Variants in RFTN1 observed in about 807,000 individuals in gnomAD.
RFTN1 encodes raftlin.
In RFTN1, 26 loss-of-function variants were observed where a neutral mutation model predicts 46.5. The ratio of observed to expected loss-of-function variants is 0.56; its 90% CI spans 0.41 to 0.78. The LOEUF is 0.78. Ranked by LOEUF, RFTN1 falls within the 30% of genes least tolerant of loss-of-function variation. The pLI, the probability that RFTN1 is intolerant of heterozygous loss-of-function variation, is 0.00. For missense variants in RFTN1, 693 were observed against 718.7 expected (o/e 0.96, Z 0.41); for synonymous variants, 261 against 284.2 (o/e 0.92, Z 0.82).
chr3:16,501,796 G>T (rs1272965068), intron 1 of RFTN1, among the ~76,000 whole-genome samples: 2 of 152,202 alleles, frequency 1.3e-5, no homozygotes, highest in Non-Finnish European at 2.9e-5. Context: ...GTTCAGTAGA[G>T]TATTCAGATG....
chr3:16,342,615 TAAAAATAAAAA>T lies in RFTN1; in HGVS notation c.1146+15306_1146+15316del, dbSNP rs563784940. Among the ~76,000 whole-genome samples the T allele has an allele frequency of 7.5e-4, 114 of 152,300 alleles. No homozygotes were observed. The highest frequency in any genetic ancestry group is 2.6e-3 in the African/African-American group (110 of 41,562). On this transcript the variant is annotated intron_variant, in intron 7 of 9. Transcript: ENST00000334133. The surrounding 1 kb of genome is among the most constrained non-coding windows in gnomAD (Gnocchi z 4.0). ...GGAAAGTGTCCATGGATCACTTTTATAAAAATAAAAAAAGTTATAAGAATGAAAGCAGAGGC... is the reference window on the plus strand; with the variant it reads ...GGAAAGTGTCCATGGATCACTTTTATAAGTTATAAGAATGAAAGCAGAGGC...
At chr3:16,379,716 C>A (rs1559308720) in intron 4 of RFTN1, among the ~76,000 whole-genome samples, 1 of 152,038 alleles carries the variant, frequency 6.6e-6, no homozygotes, top group East Asian at 1.9e-4. Context: ...AAACAAAAGA[C>A]AAAAAAATCT....
rs1416838831 is a variant in RFTN1 at position 16,348,245 on chromosome 3, G to A, written c.1146+9687C>T. Among the ~76,000 whole-genome samples the A allele has an allele frequency of 3.3e-5, 5 of 152,156 alleles. No homozygotes were observed. Among genetic ancestry groups the A allele is most frequent in the East Asian group, 1.9e-4 (1 of 5,180 alleles). ...AAAGCATGATGGTAAAAAGGAAGCC[G>A]AGGCATCTAGATCACTGACATTATC... On this transcript the variant is annotated intron_variant, in intron 7 of 9. Transcript: ENST00000334133. The surrounding 1 kb of genome is among the most constrained non-coding windows in gnomAD (Gnocchi z 6.3).
In RFTN1 at chr3:16,506,159, C is replaced by A. The variant is rs2076801927; in HGVS notation, c.-9+7283G>T. On this transcript the variant is annotated intron_variant, in intron 1 of 9. Transcript: ENST00000334133. The surrounding 1 kb of genome is among the most constrained non-coding windows in gnomAD (Gnocchi z 4.8). Reference sequence around the variant, plus strand: ...TTTTAAATACGGGGATTGGGAAAGGCCACACCCAGAAGGTGACGTTTAAGC... The same window carrying A: ...TTTTAAATACGGGGATTGGGAAAGGACACACCCAGAAGGTGACGTTTAAGC... Among the ~76,000 whole-genome samples the A allele has an allele frequency of 6.6e-6, 1 of 152,124 alleles. No homozygotes were observed. The highest frequency in any genetic ancestry group is 1.5e-5 in the Non-Finnish European group (1 of 68,018).
rs186216757 is a variant in RFTN1 at position 16,504,859 on chromosome 3, C to A, written c.-9+8583G>T. Among the ~76,000 whole-genome samples, 562 of 152,238 alleles carry A rather than the reference C, an allele frequency of 3.7e-3. 6 individuals are homozygous for A. Among genetic ancestry groups the A allele is most frequent in the Middle Eastern group, 6.8e-3 (2 of 294 alleles). ...TCAGCACTTCTGGAAGAATATGCCC[C>A]ACAGAATGCAGCACCTTGCCCAACA... On this transcript the variant is annotated intron_variant, in intron 1 of 9. Coordinates refer to ENST00000334133, the MANE Select transcript of RFTN1 (RefSeq NM_015150.2). The surrounding 1 kb of genome is among the most constrained non-coding windows in gnomAD (Gnocchi z 4.4).
At chr3:16,430,777 T>C (rs2075369184) in intron 3 of RFTN1, among the ~76,000 whole-genome samples, 1 of 152,220 alleles carries the variant, frequency 6.6e-6, no homozygotes, top group African/African-American at 2.4e-5. Context: ...TCAGGAACTC[T>C]GGATGAAAGT....
At position 16,345,829 on chromosome 3, in the gene RFTN1, TGCGCGCACGC is replaced by T. The variant is rs1433313290; in HGVS notation, c.1146+12093_1146+12102del. Among the ~76,000 whole-genome samples the T allele has an allele frequency of 1.1e-4, 8 of 69,826 alleles. No homozygotes were observed. The highest frequency in any genetic ancestry group is 2.1e-4 in the African/African-American group (4 of 18,858). 45.8% of individuals were successfully genotyped at this position (69,826 alleles called of 152,430 possible). ...GTGTGTGTGTGTGTGCGCGCGCGCG[TGCGCGCACGC>T]GCACATGTGCATGTGTATGTGTATA... On this transcript the variant is annotated intron_variant, in intron 7 of 9. Transcript: ENST00000334133. This position sits in a 1 kb window ranked among gnomAD's most constrained non-coding sequence, Gnocchi z 5.2.
At chr3:16,493,632 A>G in intron 2 of RFTN1, 93 bp downstream of exon 2, 1 of 975,902 alleles carries the variant, frequency 1.0e-6, no homozygotes, top group Non-Finnish European at 1.4e-6. Context: ...CACAGCCCCC[A>G]CCCCATCCAG....
rs963737367 is a variant in RFTN1, at chr3:16,418,273, A to C, written c.333-8790T>G. ...AATTGCCTGTCGAAAAACTATTATA[A>C]ACTATACTTCTAAAAAATAAGCATG... On this transcript the variant is annotated intron_variant, in intron 3 of 9. Coordinates refer to ENST00000334133, the MANE Select transcript of RFTN1 (RefSeq NM_015150.2). The surrounding 1 kb of genome is among the most constrained non-coding windows in gnomAD (Gnocchi z 5.0). Among the ~76,000 whole-genome samples the C allele has an allele frequency of 3.3e-5, 5 of 152,336 alleles. No homozygotes were observed. In the South Asian group the frequency reaches 8.3e-4, roughly 25 times the overall value.
Position 16,425,988 on chromosome 3 carries a change from G to A in RFTN1, c.332+7863C>T, listed in dbSNP as rs2075282867. 6.6e-6 allele frequency among the ~76,000 whole-genome samples: 1 copy of A among 152,072 alleles called. No homozygotes were observed. The highest frequency in any genetic ancestry group is 1.5e-5 in the Non-Finnish European group (1 of 68,018). ...AACGGGTGTTCGCCCCACCTAAATC[G>A]GAATCCAAAATAACGACCCACATGC... is the stretch of plus-strand genomic sequence containing the variant. On this transcript the variant is annotated intron_variant, in intron 3 of 9. Coordinates refer to ENST00000334133, the MANE Select transcript of RFTN1 (RefSeq NM_015150.2). The surrounding 1 kb of genome is among the most constrained non-coding windows in gnomAD (Gnocchi z 4.3).
chr3:16,368,503 C>G (rs1031210526), intron 6 of RFTN1, among the ~76,000 whole-genome samples: 1 of 152,164 alleles, frequency 6.6e-6, no homozygotes, highest in Non-Finnish European at 1.5e-5. Context: ...AACCCCATCT[C>G]TACTAAAAAT....
At position 16,425,647 on chromosome 3, in the gene RFTN1, C is replaced by A. The variant is rs2125478118; in HGVS notation, c.332+8204G>T. Among the ~76,000 whole-genome samples, 2 of 152,068 alleles carry A rather than the reference C, an allele frequency of 1.3e-5. 1 individual carries two copies. Among genetic ancestry groups the A allele is most frequent in the Admixed American group, 1.3e-4 (2 of 15,264 alleles). Reference sequence around the variant, plus strand: ...AAGAGAACAAGAGTAACTCGGCAAGCCATTTAGGAGTGTGGATTGGAAAAA... The same window carrying A: ...AAGAGAACAAGAGTAACTCGGCAAGACATTTAGGAGTGTGGATTGGAAAAA... On this transcript the variant is annotated intron_variant, in intron 3 of 9. Coordinates refer to ENST00000334133, the MANE Select transcript of RFTN1 (RefSeq NM_015150.2). This position sits in a 1 kb window ranked among gnomAD's most constrained non-coding sequence, Gnocchi z 4.3.
At chr3:16,366,884 C>G (rs1190441901) in intron 6 of RFTN1, among the ~76,000 whole-genome samples, 3 of 152,208 alleles carry the variant, frequency 2.0e-5, no homozygotes, top group African/African-American at 7.2e-5. Flanking sequence ...CTCCCCCAGC[C>G]CAAGACACCG....
intron 2 of RFTN1, among the ~76,000 whole-genome samples, chr3:16,493,271 G>A (rs897509332): frequency 4.0e-5 from 6 of 149,308 alleles, no homozygotes; most frequent in South Asian, 2.1e-4. Flanking sequence ...TCGCTCTCTC[G>A]CCCAGGCTGG....
chr3:16,426,977 A>C lies in RFTN1; in HGVS notation c.332+6874T>G, dbSNP rs2125481399. ...GGGAGTGGAGGTGGGCAGACATCTA[A>C]AACACAATAACAGGAGAGACTGAGA... is the stretch of plus-strand genomic sequence containing the variant. On this transcript the variant is annotated intron_variant, in intron 3 of 9. Coordinates refer to ENST00000334133, the MANE Select transcript of RFTN1 (RefSeq NM_015150.2). This position sits in a 1 kb window ranked among gnomAD's most constrained non-coding sequence, Gnocchi z 5.9. Among the ~76,000 whole-genome samples the C allele has an allele frequency of 6.6e-6, 1 of 152,298 alleles. No homozygotes were observed. The highest frequency in any genetic ancestry group is 2.4e-5 in the African/African-American group (1 of 41,546).
intron 3 of RFTN1, among the ~76,000 whole-genome samples, chr3:16,412,776 T>C (rs2075002223): frequency 6.6e-6 from 1 of 152,232 alleles, no homozygotes; most frequent in South Asian, 2.1e-4. Context: ...CTTACTGGCT[T>C]TGAAGAAGAA....
intron 3 of RFTN1, among the ~76,000 whole-genome samples, chr3:16,430,570 A>G (rs1284131200): frequency 6.6e-6 from 1 of 152,156 alleles, no homozygotes; most frequent in Admixed American, 6.6e-5. Context: ...CCTCCCACCT[A>G]ATACCATTGG....
rs2070632479 is a variant in RFTN1 at position 16,334,223 on chromosome 3, A to G, written c.1147-7347T>C. Among the ~76,000 whole-genome samples, 1 of 152,102 alleles carries G rather than the reference A, an allele frequency of 6.6e-6. No homozygotes were observed. The highest frequency in any genetic ancestry group is 2.4e-5 in the African/African-American group (1 of 41,428). ...AAATACCCTGAGATACTATTTTTTC[A>G]CCTATTGAACTGGTAAAAACCCAAA... On this transcript the variant is annotated intron_variant, in intron 7 of 9. Coordinates refer to ENST00000334133, the MANE Select transcript of RFTN1 (RefSeq NM_015150.2). This position sits in a 1 kb window ranked among gnomAD's most constrained non-coding sequence, Gnocchi z 4.3.
chr3:16,403,102 G>T (rs1429895133), intron 4 of RFTN1, among the ~76,000 whole-genome samples: 1 of 152,176 alleles, frequency 6.6e-6, no homozygotes, highest in African/African-American at 2.4e-5. Flanking sequence ...TCACTGAGGG[G>T]ACACCTTCAA....
Sources: gnomAD v4.1 joint callset for allele counts (sites outside exome capture counted in the v4.1 genomes callset) on GRCh38, gnomAD v4.1.1 for gene constraint, Gnocchi (gnomAD v3.1) non-coding constraint, MANE v1.5 for transcripts, NCBI Gene and HGNC (gene_info 2026-07-23, HGNC 2026-07-21) for gene names.